The following ATP2C2 variants were observed in gnomAD, a reference collection of about 807,000 sequenced individuals.
The protein encoded by ATP2C2 is calcium-transporting ATPase type 2C member 2.
A neutral mutation model predicts 110.8 loss-of-function variants in ATP2C2; 171 were observed. That is an observed-to-expected ratio of 1.54 (90% confidence interval 1.36 to 1.75). The LOEUF (loss-of-function observed/expected upper bound fraction) is 1.75. Among genes scored for constraint, ATP2C2 ranks in the 40% most tolerant of loss-of-function variants. ATP2C2 has a pLI of 0.00. For missense variants in ATP2C2, 1,963 were observed against 1,235.0 expected (o/e 1.59, Z -8.84); for synonymous variants, 804 against 508.4 (o/e 1.58, Z -7.82).
At chr16:84,432,069 C>G (rs1327560505) in intron 11 of ATP2C2, among the ~76,000 whole-genome samples, 1 of 152,064 alleles carries the variant, frequency 6.6e-6, no homozygotes, top group African/African-American at 2.4e-5. Context: ...GGCCGCTCCC[C>G]CAACTCGGGG....
chr16:84,449,727 GA>G (rs1377194873), intron 17 of ATP2C2, among the ~76,000 whole-genome samples: 1 of 152,228 alleles, frequency 6.6e-6, no homozygotes, highest in East Asian at 1.9e-4. Flanking sequence ...GAGAGATTGG[GA>G]GACAATCTGG....
At chr16:84,449,038 G>A (rs952053645) in intron 17 of ATP2C2, among the ~76,000 whole-genome samples, 1 of 152,222 alleles carries the variant, frequency 6.6e-6, no homozygotes, top group Non-Finnish European at 1.5e-5. Context: ...TTCAGTCAAG[G>A]AACATATTTT....
chr16:84,463,829 C>G lies in ATP2C2; in HGVS notation c.*97C>G. 1.9e-6 allele frequency: 2 copies of G among 1,079,044 alleles called. No homozygotes were observed. Among genetic ancestry groups the G allele is most frequent in the East Asian group, 2.4e-5 (1 of 41,792 alleles). 66.8% of individuals were successfully genotyped at this position (1,079,044 alleles called of 1,614,324 possible). On this transcript the variant is annotated 3_prime_UTR_variant, in exon 27 of 27. Transcript: ENST00000262429. ...TCGTCAGGGGAGACTTTTAGGAGGCCGCAGCCTTCCATCACCGGATCAGTT... is the reference window on the plus strand; with the variant it reads ...TCGTCAGGGGAGACTTTTAGGAGGCGGCAGCCTTCCATCACCGGATCAGTT...
At chr16:84,440,542 A>G (rs944994952) in intron 13 of ATP2C2, among the ~76,000 whole-genome samples, 2 of 152,222 alleles carry the variant, frequency 1.3e-5, no homozygotes, top group Non-Finnish European at 2.9e-5. Context: ...AAAGGCTAAC[A>G]CGTTTACCCA....
At chr16:84,438,949 G>C (rs767043502) in intron 11 of ATP2C2, 1 of 542,732 alleles carries the variant, frequency 1.8e-6, no homozygotes, top group Non-Finnish European at 3.2e-6. Context: ...TGACAGGAGA[G>C]GTCCCTTCCC....
chr16:84,462,832 C>T lies in ATP2C2; in HGVS notation c.2722+703C>T, dbSNP rs564624509. On this transcript the variant is annotated intron_variant, in intron 26 of 26. Transcript: ENST00000262429. ...CCCCATGGGCCCACCGCCTCCCCGC[C>T]GGCAGGGCCCAGAGTGGGTCATGGC... 3.8e-3 allele frequency: 586 copies of T among 153,000 alleles called. 1 individual carries two copies. The highest frequency in any genetic ancestry group is 6.3e-3 in the Non-Finnish European group (430 of 68,618). The allele number at this position is 153,000 out of a possible 1,614,324, so 9.5% of individuals were successfully genotyped here. A position where few individuals can be genotyped will look rare whatever the true frequency, so the allele number is the denominator to read the frequency against.
At chr16:84,439,852 G>T (rs898656770) in intron 13 of ATP2C2, among the ~76,000 whole-genome samples, 1 of 152,074 alleles carries the variant, frequency 6.6e-6, no homozygotes, top group South Asian at 2.1e-4. Flanking sequence ...GTTTGTTTGT[G>T]AGAGACAGAG....
chr16:84,434,589 C>G (rs1043177755), intron 11 of ATP2C2, among the ~76,000 whole-genome samples: 2 of 151,600 alleles, frequency 1.3e-5, no homozygotes, highest in African/African-American at 4.8e-5. Flanking sequence ...GTGATCTCGG[C>G]TCACTGCAAG....
intron 14 of ATP2C2, among the ~76,000 whole-genome samples, chr16:84,441,286 A>G (rs1298594627): frequency 6.6e-6 from 1 of 152,080 alleles, no homozygotes; most frequent in Non-Finnish European, 1.5e-5. Flanking sequence ...TTTTAAAAAA[A>G]TTATTTAAAA....
Position 84,411,281 on chromosome 16 carries a change from G to A in ATP2C2, c.515+516G>A, listed in dbSNP as rs781045478. Among the ~76,000 whole-genome samples, 14 of 149,744 alleles carry A rather than the reference G, an allele frequency of 9.3e-5. No homozygotes were observed. In the Middle Eastern group the frequency reaches 0.01, roughly 111 times the overall value. On this transcript the variant is annotated intron_variant, in intron 6 of 26. Coordinates refer to ENST00000262429, the MANE Select transcript of ATP2C2 (RefSeq NM_014861.4). Reference sequence around the variant, plus strand: ...TGCCCACAGTTTTCCATTGGTTACTGCACGGCTCTTACCAAAGATGTTTAA... The same window carrying A: ...TGCCCACAGTTTTCCATTGGTTACTACACGGCTCTTACCAAAGATGTTTAA...
chr16:84,370,513 C>T (rs1388253099), intron 1 of ATP2C2, among the ~76,000 whole-genome samples: 6 of 151,946 alleles, frequency 3.9e-5, no homozygotes, highest in East Asian at 1.9e-4. Context: ...GTGGGGAGGC[C>T]GGGTGGCTGG....
At chr16:84,395,596 C>T (rs962086893) in intron 1 of ATP2C2, among the ~76,000 whole-genome samples, 3 of 150,550 alleles carry the variant, frequency 2.0e-5, no homozygotes, top group Non-Finnish European at 4.5e-5. Flanking sequence ...GCAACCTCCG[C>T]CTTCCAGGTT....
intron 21 of ATP2C2, among the ~76,000 whole-genome samples, chr16:84,455,855 C>T (rs1414744852): frequency 7.1e-6 from 1 of 141,184 alleles, no homozygotes; most frequent in Non-Finnish European, 1.5e-5. Context: ...TGAATTTTGT[C>T]AAAGGCTTTT....
intron 1 of ATP2C2, among the ~76,000 whole-genome samples, chr16:84,369,504 CT>C (rs1242209653): frequency 0.015 from 2,252 of 146,724 alleles, 40 homozygotes; most frequent in African/African-American, 0.052. Context: ...GGTCGTTGCA[CT>C]TTTTTTTTTT....
intron 1 of ATP2C2, among the ~76,000 whole-genome samples, chr16:84,381,575 C>T (rs1043825497): frequency 1.3e-5 from 2 of 151,640 alleles, no homozygotes; most frequent in Admixed American, 6.6e-5. Flanking sequence ...AGACTCTGTC[C>T]TGAAAAAAAG....
At chr16:84,454,480 C>T (rs568213476) in intron 20 of ATP2C2, among the ~76,000 whole-genome samples, 3 of 152,286 alleles carry the variant, frequency 2.0e-5, no homozygotes, top group South Asian at 4.1e-4. Context: ...CCATGGTTTC[C>T]AGGGCCGCAC....
chr16:84,453,986 G>T (rs1024103410), intron 20 of ATP2C2, among the ~76,000 whole-genome samples: 1 of 152,116 alleles, frequency 6.6e-6, no homozygotes, highest in African/African-American at 2.4e-5. Flanking sequence ...GGATTGCGGT[G>T]TGCACCAGCA....
intron 11 of ATP2C2, among the ~76,000 whole-genome samples, chr16:84,436,079 A>C (rs1908711372): frequency 1.3e-5 from 2 of 148,272 alleles, no homozygotes; most frequent in Non-Finnish European, 3.0e-5. Flanking sequence ...CAGTGAGCTG[A>C]GACTGCACCA....
intron 16 of ATP2C2, 28 bp downstream of exon 16, chr16:84,446,458 C>G (rs1909759323): frequency 6.6e-7 from 1 of 1,510,730 alleles, no homozygotes; most frequent in Non-Finnish European, 9.0e-7. Context: ...TCAACCTCTT[C>G]TCTCTTTCTG....
Sources: allele counts gnomAD v4.1 joint callset (sites outside exome capture counted in the v4.1 genomes callset), GRCh38; gene constraint gnomAD v4.1.1; transcripts MANE v1.5; gene names NCBI Gene and HGNC (gene_info 2026-07-23, HGNC 2026-07-21).